Variants in RAB7A observed in about 807,000 individuals in gnomAD.
The protein encoded by RAB7A is ras-related protein Rab-7a.
A neutral mutation model predicts 24.5 loss-of-function variants in RAB7A; 2 were observed. That is an observed-to-expected ratio of 0.08 (90% CI 0.03 to 0.26). The LOEUF (loss-of-function observed/expected upper bound fraction) is 0.26, where lower values mean the gene tolerates loss of function less well. Among genes scored for constraint, RAB7A ranks in the 10% least tolerant of loss-of-function variants. The pLI is 1.00. For missense variants in RAB7A, 118 were observed against 255.7 expected (o/e 0.46, Z 3.67); for synonymous variants, 100 against 95.9 (o/e 1.04, Z -0.25).
chr3:128,763,208 A>ATATATATATATT (rs373993932), intron 1 of RAB7A, among the ~76,000 whole-genome samples: 13 of 76,060 alleles, frequency 1.7e-4, no homozygotes, highest in African/African-American at 9.8e-4. Flanking sequence ...ATATATATAT[A>ATATATATATATT]TTTTTTTTTT....
intron 1 of RAB7A, among the ~76,000 whole-genome samples, chr3:128,756,844 CTTTT>C (rs577316612): frequency 2.2e-5 from 3 of 139,462 alleles, no homozygotes; most frequent in Admixed American, 7.2e-5. Flanking sequence ...TATTCGCTAT[CTTTT>C]TTTTTTTTTT....
intron 1 of RAB7A, among the ~76,000 whole-genome samples, chr3:128,728,458 T>A (rs1366398943): frequency 6.6e-6 from 1 of 152,168 alleles, no homozygotes; most frequent in Non-Finnish European, 1.5e-5. Flanking sequence ...TAGTGGCATT[T>A]ATTTTATTTT....
At chr3:128,731,773 C>T (rs1381916491) in intron 1 of RAB7A, among the ~76,000 whole-genome samples, 5 of 151,890 alleles carry the variant, frequency 3.3e-5, no homozygotes, top group South Asian at 4.2e-4. Context: ...TTTGGGAGGC[C>T]GAGGAGGGTG....
intron 3 of RAB7A, among the ~76,000 whole-genome samples, chr3:128,804,272 C>G (rs1933758221): frequency 6.6e-6 from 1 of 152,204 alleles, no homozygotes; most frequent in African/African-American, 2.4e-5. Context: ...TGTGCATGCA[C>G]TAGAAAAACC....
chr3:128,734,082 C>T (rs2070465722), intron 1 of RAB7A, among the ~76,000 whole-genome samples: 1 of 152,066 alleles, frequency 6.6e-6, no homozygotes, highest in Admixed American at 6.6e-5. Context: ...TGGAGTAAAA[C>T]GTGTCAGTTT....
At chr3:128,804,114 G>GCGCCCCCC (rs1553722988) in intron 3 of RAB7A, among the ~76,000 whole-genome samples, 1 of 146,878 alleles carries the variant, frequency 6.8e-6, no homozygotes, top group African/African-American at 2.6e-5. Context: ...ACCTCCCTGG[G>GCGCCCCCC]CCCCCCCCCG....
intron 1 of RAB7A, among the ~76,000 whole-genome samples, chr3:128,727,329 C>T (rs1022924599): frequency 5.9e-5 from 9 of 152,210 alleles, no homozygotes; most frequent in Non-Finnish European, 1.2e-4. Flanking sequence ...CAAGCCCAGG[C>T]AGTCAGACTC....
At chr3:128,779,337 G>A (rs143723167) in intron 1 of RAB7A, among the ~76,000 whole-genome samples, 5,063 of 151,624 alleles carry the variant, frequency 0.033, 146 homozygotes, top group Middle Eastern at 0.065. Flanking sequence ...GAGCCCAGGA[G>A]ACAAAGGTTG....
intron 1 of RAB7A, among the ~76,000 whole-genome samples, chr3:128,738,724 T>G (rs2070517735): frequency 6.6e-6 from 1 of 152,252 alleles, no homozygotes; most frequent in Non-Finnish European, 1.5e-5. Flanking sequence ...CTGATTTACC[T>G]GTTTTTCCCC....
chr3:128,789,057 T>A (rs1194288847), intron 1 of RAB7A, among the ~76,000 whole-genome samples: 1 of 152,210 alleles, frequency 6.6e-6, no homozygotes. Context: ...AGGAGCTTCT[T>A]CCGATGCACA....
At chr3:128,788,677 A>T (rs1421517106) in intron 1 of RAB7A, among the ~76,000 whole-genome samples, 1 of 152,092 alleles carries the variant, frequency 6.6e-6, no homozygotes, top group African/African-American at 2.4e-5. Context: ...AAGAATTCAG[A>T]CTTTCGAATT....
intron 1 of RAB7A, among the ~76,000 whole-genome samples, chr3:128,728,535 T>C (rs2070402677): frequency 6.6e-6 from 1 of 152,224 alleles, no homozygotes; most frequent in Non-Finnish European, 1.5e-5. Context: ...CGATGTCGGC[T>C]CACTGCAACC....
chr3:128,753,467 A>T (rs1196867241), intron 1 of RAB7A, among the ~76,000 whole-genome samples: 1 of 152,224 alleles, frequency 6.6e-6, no homozygotes, highest in African/African-American at 2.4e-5. Flanking sequence ...TAACCTCAAT[A>T]AAAAATATTT....
At chr3:128,779,967 G>A (rs1294929257) in intron 1 of RAB7A, among the ~76,000 whole-genome samples, 3 of 152,190 alleles carry the variant, frequency 2.0e-5, no homozygotes, top group African/African-American at 7.2e-5. Flanking sequence ...GTTTTAAGTG[G>A]GCTGAAGTGT....
At chr3:128,743,290 C>G (rs62272577) in intron 1 of RAB7A, among the ~76,000 whole-genome samples, 5,919 of 152,322 alleles carry the variant, frequency 0.039, 212 homozygotes, top group South Asian at 0.13. Flanking sequence ...CCCCAGTTTC[C>G]CGCCCATGCC....
chr3:128,785,616 G>A (rs116450409), intron 1 of RAB7A, among the ~76,000 whole-genome samples: 186 of 151,984 alleles, frequency 1.2e-3, no homozygotes, highest in African/African-American at 4.3e-3. Context: ...AAAAGGCGTG[G>A]TGGCTCGCAC....
intron 1 of RAB7A, among the ~76,000 whole-genome samples, chr3:128,730,579 G>GA (rs1213060525): frequency 6.6e-6 from 1 of 152,144 alleles, no homozygotes; most frequent in Non-Finnish European, 1.5e-5. Context: ...TGCGATTTGT[G>GA]AATCAGAGGT....
At chr3:128,787,224 A>G (rs1257013676) in intron 1 of RAB7A, among the ~76,000 whole-genome samples, 1 of 152,236 alleles carries the variant, frequency 6.6e-6, no homozygotes, top group Non-Finnish European at 1.5e-5. Flanking sequence ...ACACCAACCA[A>G]CTAAAAATGT....
chr3:128,735,723 C>T (rs1039213295), intron 1 of RAB7A, among the ~76,000 whole-genome samples: 5 of 152,166 alleles, frequency 3.3e-5, no homozygotes, highest in African/African-American at 9.7e-5. Flanking sequence ...GTGGGCTCCT[C>T]TTAGCAATTT....
Sources: allele counts gnomAD v4.1 joint callset (sites outside exome capture counted in the v4.1 genomes callset), GRCh38; gene constraint gnomAD v4.1.1; transcripts MANE v1.5; gene names NCBI Gene and HGNC (gene_info 2026-07-23, HGNC 2026-07-21).